ARL5A: variants seen among roughly 807,000 people sequenced by gnomAD.
ARL5A encodes ARF like GTPase 5A.
Under a neutral mutation model 25.9 loss-of-function variants are expected in ARL5A, and 18 were observed. That is an observed-to-expected ratio of 0.69 (90% CI 0.48 to 1.03). ARL5A has a LOEUF of 1.03. Ranked by LOEUF, ARL5A falls within the 50% of genes least tolerant of loss-of-function variation. The probability of loss-of-function intolerance (pLI) is 0.00; values close to 1 mark genes in which losing one functional copy is unlikely to be tolerated. For synonymous variants in ARL5A, 61 were observed against 67.5 expected (o/e 0.90, Z 0.47); for missense variants, 170 against 211.9 (o/e 0.80, Z 1.23).
At chr2:151,814,983 T>C (rs779101679) in intron 2 of ARL5A, among the ~76,000 whole-genome samples, 156 bp downstream of exon 2, 2 of 152,200 alleles carry the variant, frequency 1.3e-5, no homozygotes, top group African/African-American at 2.4e-5. Flanking sequence ...TTCTACTAAC[T>C]ATTGCTGAGA....
At chr2:151,817,476 T>C (rs374117805) in intron 1 of ARL5A, among the ~76,000 whole-genome samples, 1 of 152,258 alleles carries the variant, frequency 6.6e-6, no homozygotes, top group Non-Finnish European at 1.5e-5. Flanking sequence ...ATAATTCAAA[T>C]GGTAGATGTT....
At chr2:151,805,095 TA>T (rs2099829916) in intron 5 of ARL5A, among the ~76,000 whole-genome samples, 1 of 152,200 alleles carries the variant, frequency 6.6e-6, no homozygotes, top group African/African-American at 2.4e-5. Flanking sequence ...ACAAATATTA[TA>T]AATCCATGCT....
chr2:151,811,455 TATA>T (rs1323147167), intron 4 of ARL5A, among the ~76,000 whole-genome samples: 4 of 152,246 alleles, frequency 2.6e-5, no homozygotes, highest in East Asian at 3.9e-4. Flanking sequence ...ATATAAACAG[TATA>T]ATGTTATAGT....
Position 151,828,220 on chromosome 2 carries a change from G to A in ARL5A, c.-44C>T. 6.3e-7 allele frequency: 1 copy of A among 1,579,746 alleles called. No homozygotes were observed. The highest frequency in any genetic ancestry group is 8.7e-7 in the Non-Finnish European group (1 of 1,153,674). ...CCCCCTCCAGACACCCGGGCCGCCT[G>A]GCTTCCCCCGGCTCAGGCTGAGGGG... On this transcript the variant is annotated 5_prime_UTR_variant, in exon 1 of 6. Transcript: ENST00000295087.
At chr2:151,806,751 G>T in intron 5 of ARL5A, 70 bp downstream of exon 5, 4 of 1,451,646 alleles carry the variant, frequency 2.8e-6, no homozygotes, top group Non-Finnish European at 3.7e-6. Context: ...ATATTTAGGA[G>T]TTTAAAGAAG....
At chr2:151,809,449 A>G (rs1309008836) in intron 4 of ARL5A, among the ~76,000 whole-genome samples, 2 of 152,232 alleles carry the variant, frequency 1.3e-5, no homozygotes, top group Non-Finnish European at 1.5e-5. Flanking sequence ...ACTTCTAAGA[A>G]GTTATTTTAT....
intron 3 of ARL5A, 103 bp downstream of exon 3, chr2:151,814,051 AAACTCTCTATGTATT>A: frequency 1.1e-6 from 1 of 940,816 alleles, no homozygotes; most frequent in Non-Finnish European, 1.5e-6. Context: ...TACTCTGCTT[AAACTCTCTATGTATT>A]AACATACTGT....
chr2:151,820,922 C>T (rs1348423948), intron 1 of ARL5A, among the ~76,000 whole-genome samples: 1 of 152,034 alleles, frequency 6.6e-6, no homozygotes, highest in Non-Finnish European at 1.5e-5. Context: ...AGAAATTAGC[C>T]AAGGTCTGAA....
chr2:151,810,191 A>G (rs1424698416), intron 4 of ARL5A, among the ~76,000 whole-genome samples: 2 of 152,218 alleles, frequency 1.3e-5, no homozygotes, highest in Admixed American at 1.3e-4. Flanking sequence ...TTTTAAAATT[A>G]ATGAGTTCTA....
chr2:151,806,588 T>C (rs1049457812), intron 5 of ARL5A, among the ~76,000 whole-genome samples: 1 of 152,182 alleles, frequency 6.6e-6, no homozygotes, highest in African/African-American at 2.4e-5. Context: ...ATAGCAATTA[T>C]AACAGCTACA....
chr2:151,803,509 CTTTT>C (rs1301498409), intron 5 of ARL5A, among the ~76,000 whole-genome samples, 185 bp from the exon 6 acceptor site: 1 of 152,120 alleles, frequency 6.6e-6, no homozygotes, highest in Admixed American at 6.6e-5. Context: ...TACATCTGTG[CTTTT>C]TTTGTCTTTC....
intron 1 of ARL5A, among the ~76,000 whole-genome samples, chr2:151,817,768 G>A (rs1426815023): frequency 6.6e-6 from 1 of 152,218 alleles, no homozygotes; most frequent in Non-Finnish European, 1.5e-5. Flanking sequence ...TTGGGAGGCT[G>A]AGGCCGTCGG....
Position 151,801,676 on chromosome 2 carries a change from C to A in ARL5A, c.*1600G>T, listed in dbSNP as rs2099829430. 1 of 152,000 alleles carries A rather than the reference C, an allele frequency of 6.6e-6. No homozygotes were observed. Among genetic ancestry groups the A allele is most frequent in the Non-Finnish European group, 1.5e-5 (1 of 67,938 alleles). 9.4% of individuals were successfully genotyped at this position (152,000 alleles called of 1,614,324 possible). Reference sequence around the variant, plus strand: ...ACCTGGATTTAGATATTGAGTATTTCCCATTTTAAAGAAAGAAACTTTCAA... The same window carrying A: ...ACCTGGATTTAGATATTGAGTATTTACCATTTTAAAGAAAGAAACTTTCAA... On this transcript the variant is annotated 3_prime_UTR_variant, in exon 6 of 6. Coordinates refer to ENST00000295087, the MANE Select transcript of ARL5A (RefSeq NM_012097.4).
chr2:151,814,815 G>A (rs1236725386), intron 2 of ARL5A, among the ~76,000 whole-genome samples: 1 of 151,888 alleles, frequency 6.6e-6, no homozygotes, highest in Non-Finnish European at 1.5e-5. Flanking sequence ...GGCTTTAAGC[G>A]ATCCTCCCAC....
intron 5 of ARL5A, among the ~76,000 whole-genome samples, chr2:151,804,216 T>C (rs893167629): frequency 6.6e-6 from 1 of 152,180 alleles, no homozygotes; most frequent in Admixed American, 6.5e-5. Flanking sequence ...GGCAATAAAA[T>C]TTCTTATCAG....
rs1314811656 is a variant in ARL5A at position 151,799,332 on chromosome 2, A to C, written c.*3944T>G. ...TAACTCCTTTAGACATCTAATGTTT[A>C]TCTCTGTTTTGTAAGTAAACATGAA... is the stretch of plus-strand genomic sequence containing the variant. On this transcript the variant is annotated 3_prime_UTR_variant, in exon 6 of 6. Coordinates refer to ENST00000295087, the MANE Select transcript of ARL5A (RefSeq NM_012097.4). 1.3e-5 allele frequency: 2 copies of C among 152,174 alleles called. No homozygotes were observed. The highest frequency in any genetic ancestry group is 3.8e-4 in the East Asian group (2 of 5,200). The allele number at this position is 152,174 out of a possible 1,614,324, so 9.4% of individuals were successfully genotyped here.
At position 151,805,719 on chromosome 2, in the gene ARL5A, G is replaced by A. The variant is rs145318186; in HGVS notation, c.491+1102C>T. 4.2e-3 allele frequency among the ~76,000 whole-genome samples: 641 copies of A among 152,144 alleles called. 9 individuals are homozygous for A. Among genetic ancestry groups the A allele is most frequent in the African/African-American group, 0.015 (602 of 41,514 alleles). On this transcript the variant is annotated intron_variant, in intron 5 of 5. Transcript: ENST00000295087. ...CCATAACCCAATAGTAAGAACTTTT[G>A]TACTGAAACATATCTAAAAATAGAA...
chr2:151,816,178 A>G (rs2099831474), intron 1 of ARL5A, among the ~76,000 whole-genome samples: 1 of 152,224 alleles, frequency 6.6e-6, no homozygotes, highest in East Asian at 1.9e-4. Context: ...GATACTATAC[A>G]GCAAGCCCAA....
At position 151,806,037 on chromosome 2, in the gene ARL5A, C is replaced by T. The variant is rs530791422; in HGVS notation, c.491+784G>A. On this transcript the variant is annotated intron_variant, in intron 5 of 5. Transcript: ENST00000295087. ...CTCTTTAAACTACACTTACCTCATG[C>T]CCACTTTCTCAATGCACAGAATTTG... Among the ~76,000 whole-genome samples, 54 of 152,258 alleles carry T rather than the reference C, an allele frequency of 3.5e-4. 1 individual carries two copies. In the South Asian group the frequency reaches 0.011, roughly 30 times the overall value.
Sources: allele counts gnomAD v4.1 joint callset (sites outside exome capture counted in the v4.1 genomes callset), GRCh38; gene constraint gnomAD v4.1.1; transcripts MANE v1.5; gene names NCBI Gene and HGNC (gene_info 2026-07-23, HGNC 2026-07-21).